GPR174: variants seen among roughly 807,000 people sequenced by gnomAD.
GPR174 encodes probable G protein-coupled receptor 174.
Under a neutral mutation model 16.5 loss-of-function variants are expected in GPR174, and 8 were observed. The ratio of observed to expected loss-of-function variants is 0.48; its 90% CI spans 0.28 to 0.87. The LOEUF (loss-of-function observed/expected upper bound fraction) is 0.87. GPR174 is among the 40% of genes least tolerant of loss of function. The pLI, the probability that GPR174 is intolerant of heterozygous loss-of-function variation, is 0.09. For synonymous variants in GPR174, 111 were observed against 94.8 expected (o/e 1.17, Z -0.99); for missense variants, 214 against 247.5 (o/e 0.86, Z 0.91).
chrX:79,163,991 A>G (rs1271457682), intron 2 of GPR174, among the ~76,000 whole-genome samples: 3 of 111,694 alleles, frequency 2.7e-5, no homozygotes, highest in Non-Finnish European at 5.7e-5. Flanking sequence ...TCTTCCAATC[A>G]ATATATATGA....
chrX:79,153,197 C>G (rs149869688), intron 1 of GPR174, among the ~76,000 whole-genome samples: 166 of 111,997 alleles, frequency 1.5e-3, no homozygotes, highest in Non-Finnish European at 2.7e-3. Flanking sequence ...TAGCATTTGA[C>G]CTGCCCAATT....
At chrX:79,167,012 A>G (rs1248276581) in intron 2 of GPR174, among the ~76,000 whole-genome samples, 1 of 111,768 alleles carries the variant, frequency 8.9e-6, no homozygotes, top group East Asian at 2.8e-4. Flanking sequence ...AACCTCATGA[A>G]GAAGGCAGCA....
chrX:79,149,594 G>C (rs1001690134), intron 1 of GPR174, among the ~76,000 whole-genome samples: 2 of 111,403 alleles, frequency 1.8e-5, no homozygotes, highest in Non-Finnish European at 3.8e-5. Context: ...AGTTTATTAG[G>C]GTTAAAAAGA....
At chrX:79,163,996 A>T (rs1921295694) in intron 2 of GPR174, among the ~76,000 whole-genome samples, 1 of 111,769 alleles carries the variant, frequency 8.9e-6, no homozygotes, top group Admixed American at 9.5e-5. Context: ...CAATCAATAT[A>T]TATGATGCCA....
chrX:79,150,058 G>A (rs1172788800), intron 1 of GPR174, among the ~76,000 whole-genome samples: 1 of 111,161 alleles, frequency 9.0e-6, no homozygotes, highest in Non-Finnish European at 1.9e-5. Context: ...CATTTACTCA[G>A]AAATTTTAAA....
intron 1 of GPR174, among the ~76,000 whole-genome samples, chrX:79,154,782 G>A (rs1921057608): frequency 9.0e-6 from 1 of 111,041 alleles, no homozygotes. Flanking sequence ...CCACTAATTA[G>A]TGATAAGGCC....
rs189236611 is a variant in GPR174 at position 79,158,688 on chromosome X, T to A, written c.-557+1770T>A. ...CGATCTCTTGACCTCGTGATCCACC[T>A]GCCTCAGCCTGCCCAAGTGCTGGGA... On this transcript the variant is annotated intron_variant, in intron 2 of 2. Transcript: ENST00000645147. Among the ~76,000 whole-genome samples, 405 of 106,799 alleles carry A rather than the reference T, an allele frequency of 3.8e-3. 1 individual carries two copies. Among genetic ancestry groups the A allele is most frequent in the African/African-American group, 0.013 (384 of 29,250 alleles). The allele number at this position is 106,799 out of a possible 115,157, so 92.7% of individuals were successfully genotyped here.
chrX:79,156,431 T>C (rs961993811), intron 1 of GPR174, among the ~76,000 whole-genome samples: 2 of 112,234 alleles, frequency 1.8e-5, no homozygotes, highest in African/African-American at 6.5e-5. Flanking sequence ...GCCAACTATT[T>C]AGAAAAGATC....
chrX:79,168,606 T>C (rs750371024), intron 2 of GPR174, among the ~76,000 whole-genome samples: 1 of 108,830 alleles, frequency 9.2e-6, no homozygotes, highest in Admixed American at 9.8e-5. Flanking sequence ...GAGGCTGAGG[T>C]GAGAGGATCG....
intron 2 of GPR174, among the ~76,000 whole-genome samples, chrX:79,166,425 C>CTTTTTTT (rs1569281344): frequency 4.7e-5 from 2 of 42,537 alleles, no homozygotes; most frequent in African/African-American, 8.2e-5. Flanking sequence ...TTTTTCTTTT[C>CTTTTTTT]TTTTTTCTTT....
rs1178372061 is a variant in GPR174, at chrX:79,144,966, CTCTTTCTTTCTTTT to C, written c.-891_-878del. ...TTTCTTTCTTTTTCTTTCTTTCTTT[CTCTTTCTTTCTTTT>C]TCTTTCTTTCTTTCTCTCTCTCTCT... On this transcript the variant is annotated 5_prime_UTR_variant, in exon 1 of 3. Coordinates refer to ENST00000645147, the MANE Select transcript of GPR174 (RefSeq NM_032553.3). 3 of 91,817 alleles carry C rather than the reference CTCTTTCTTTCTTTT, an allele frequency of 3.3e-5. No individual in the cohort carries two copies. Among genetic ancestry groups the C allele is most frequent in the Non-Finnish European group, 4.3e-5 (2 of 46,291 alleles). The allele number at this position is 91,817 out of a possible 1,213,427, so 7.6% of individuals were successfully genotyped here.
At chrX:79,167,739 C>T (rs183226138) in intron 2 of GPR174, among the ~76,000 whole-genome samples, 2 of 111,991 alleles carry the variant, frequency 1.8e-5, no homozygotes, top group East Asian at 5.6e-4. Flanking sequence ...GAGGAAATTG[C>T]TTTCAGATCT....
At chrX:79,166,400 C>A in intron 2 of GPR174, among the ~76,000 whole-genome samples, 1 of 90,828 alleles carries the variant, frequency 1.1e-5, no homozygotes. Flanking sequence ...TATATATAAA[C>A]TTAAAGGGAT....
chrX:79,149,791 G>A lies in GPR174; in HGVS notation c.-654+4574G>A, dbSNP rs73507601. On this transcript the variant is annotated intron_variant, in intron 1 of 2. Coordinates refer to ENST00000645147, the MANE Select transcript of GPR174 (RefSeq NM_032553.3). ...TGACATCTTGCTGAAAGGCTCTTTC[G>A]ATCATGGAGACTAGATTAAACCTCC... Among the ~76,000 whole-genome samples, 759 of 104,386 alleles carry A rather than the reference G, an allele frequency of 7.3e-3. 7 individuals carry two copies. The highest frequency in any genetic ancestry group is 0.025 in the African/African-American group (722 of 28,814). 90.6% of individuals were successfully genotyped at this position (104,386 alleles called of 115,157 possible).
intron 1 of GPR174, among the ~76,000 whole-genome samples, chrX:79,147,079 A>T (rs1926515343): frequency 8.9e-6 from 1 of 111,823 alleles, no homozygotes; most frequent in Admixed American, 9.5e-5. Flanking sequence ...TCAGAAACAG[A>T]TTCAGCCCTT....
intron 2 of GPR174, among the ~76,000 whole-genome samples, chrX:79,159,024 T>C (rs1420272275): frequency 9.0e-6 from 1 of 110,555 alleles, no homozygotes; most frequent in African/African-American, 3.3e-5. Flanking sequence ...ATGCTTACTA[T>C]GTACCCAGAA....
In GPR174 at chrX:79,171,658, C is replaced by T; in HGVS notation, c.651C>T (p.Pro217=). Residue 217 remains proline, a synonymous_variant, in exon 3 of 3, where the codon CCC becomes CCT. Coordinates refer to ENST00000645147, the MANE Select transcript of GPR174 (RefSeq NM_032553.3). Reference sequence around the variant, plus strand: ...TTTTATCACTGCAAGATAAATATCCCATGGCCCAAGATCTTGGAGAGAAAC... The same window carrying T: ...TTTTATCACTGCAAGATAAATATCCTATGGCCCAAGATCTTGGAGAGAAAC... ...KTVLSLQDKY[P]MAQDLGEKQK... is the part of the protein sequence containing the mutation. 1 of 1,211,355 alleles carries T rather than the reference C, an allele frequency of 8.3e-7. No individual in the cohort carries two copies. The highest frequency in any genetic ancestry group is 1.8e-5 in the South Asian group (1 of 56,952).
In GPR174 at chrX:79,170,896, A is replaced by T; in HGVS notation, c.-112A>T. The stretch of plus-strand genomic sequence containing the variant: ...GTGGTAAAAAGAGGAAGGTTATTTT[A>T]TACTTCGTATCTCCAACCCACTGGC... On this transcript the variant is annotated 5_prime_UTR_variant, in exon 3 of 3. Coordinates refer to ENST00000645147, the MANE Select transcript of GPR174 (RefSeq NM_032553.3). The T allele has an allele frequency of 1.6e-6, 1 of 615,299 alleles. No homozygotes were observed. Among genetic ancestry groups the T allele is most frequent in the Non-Finnish European group, 2.5e-6 (1 of 395,387 alleles). 50.7% of individuals were successfully genotyped at this position (615,299 alleles called of 1,213,427 possible).
intron 2 of GPR174, among the ~76,000 whole-genome samples, chrX:79,160,740 T>C (rs1382666851): frequency 9.0e-6 from 1 of 111,486 alleles, no homozygotes; most frequent in Non-Finnish European, 1.9e-5. Flanking sequence ...ACAAGTTAAA[T>C]CAGAATAATA....
Sources: allele counts gnomAD v4.1 joint callset (sites outside exome capture counted in the v4.1 genomes callset), GRCh38; gene constraint gnomAD v4.1.1; transcripts MANE v1.5; gene names NCBI Gene and HGNC (gene_info 2026-07-23, HGNC 2026-07-21).